The following CACNA1C variants were observed in gnomAD, a reference collection of about 807,000 sequenced individuals.
The protein encoded by CACNA1C is voltage-dependent L-type calcium channel subunit alpha-1C.
CACNA1C carries 30 observed loss-of-function variants against 229.0 expected under a neutral mutation model. That is an observed-to-expected ratio of 0.13 (90% CI 0.10 to 0.18). The LOEUF is 0.18. Among genes scored for constraint, CACNA1C ranks in the 10% least tolerant of loss-of-function variants. The pLI is 1.00. For missense variants in CACNA1C, 1,658 were observed against 2,845.0 expected (o/e 0.58, Z 9.49); for synonymous variants, 1,114 against 1,132.5 (o/e 0.98, Z 0.33).
chr12:1,975,354 C>T (rs1230722557), intron 1 of CACNA1C, among the ~76,000 whole-genome samples: 1 of 138,044 alleles, frequency 7.2e-6, no homozygotes, highest in African/African-American at 2.6e-5. Context: ...GTGGGTTAAG[C>T]AGTAAATTTA....
intron 7 of CACNA1C, among the ~76,000 whole-genome samples, chr12:2,501,976 C>T (rs2099761493): frequency 6.6e-6 from 1 of 152,272 alleles, no homozygotes; most frequent in East Asian, 1.9e-4. Context: ...CCATTGCTAT[C>T]ATAGGACCAC....
Position 2,004,498 on chromosome 12 carries a change from C to T in CACNA1C, c.139+33297C>T, listed in dbSNP as rs972838992. 5 of 1,522,174 alleles carry T rather than the reference C, an allele frequency of 3.3e-6. No individual in the cohort carries two copies. The African/African-American group carries it at 4.1e-5, about 13-fold the overall frequency. The allele number at this position is 1,522,174 out of a possible 1,614,324, so 94.3% of individuals were successfully genotyped here. A position where few individuals can be genotyped will look rare whatever the true frequency, so the allele number is the denominator to read the frequency against. On this transcript the variant is annotated intron_variant, in intron 1 of 46. Coordinates refer to the CACNA1C transcript ENST00000682462. ...CACTCTCAATAGATCGCAGAACGAG[C>T]GAGCTGCCTCGCAACCGAGAACCCA... is the stretch of plus-strand genomic sequence containing the variant.
At position 2,662,143 on chromosome 12, in the gene CACNA1C, A is replaced by G. The variant is rs563026234; in HGVS notation, c.4233-2682A>G. Among the ~76,000 whole-genome samples the G allele has an allele frequency of 2.7e-4, 41 of 152,038 alleles. No individual in the cohort carries two copies. In the Middle Eastern group the frequency reaches 0.01, roughly 38 times the overall value. ...TGTAGTCCCAGCTACTCAGGAGGCT[A>G]AGGTGGGAGAATCTCTTGAACCCAG... On this transcript the variant is annotated intron_variant, in intron 34 of 46. Transcript: ENST00000399655.
At chr12:2,109,090 C>T (rs920066819) in intron 1 of CACNA1C, among the ~76,000 whole-genome samples, 6 of 152,204 alleles carry the variant, frequency 3.9e-5, no homozygotes, top group Non-Finnish European at 7.3e-5. Context: ...CTCTCTAAAT[C>T]GATGTGGGTG....
At chr12:2,636,042 A>G (rs2092605885) in intron 30 of CACNA1C, among the ~76,000 whole-genome samples, 1 of 152,210 alleles carries the variant, frequency 6.6e-6, no homozygotes, top group African/African-American at 2.4e-5. Context: ...TCATACACAT[A>G]AAGGCCAGAG....
chr12:2,587,675 C>A (rs952037915), intron 18 of CACNA1C, among the ~76,000 whole-genome samples: 1 of 152,186 alleles, frequency 6.6e-6, no homozygotes, highest in African/African-American at 2.4e-5. Flanking sequence ...CGTAGCTACC[C>A]AGTGGCTCTG....
chr12:2,307,060 G>A (rs188872773), intron 3 of CACNA1C, among the ~76,000 whole-genome samples: 48 of 152,236 alleles, frequency 3.2e-4, no homozygotes, highest in Middle Eastern at 6.8e-3. Context: ...AAGCCATGAG[G>A]CACCCCTGCC....
intron 1 of CACNA1C, among the ~76,000 whole-genome samples, chr12:2,092,695 A>T (rs1041580229): frequency 6.6e-6 from 1 of 152,160 alleles, no homozygotes; most frequent in African/African-American, 2.4e-5. Context: ...TGAAATAGTT[A>T]ACCTTTAGTA....
At chr12:2,675,407 A>G (rs929840302) in intron 39 of CACNA1C, among the ~76,000 whole-genome samples, 3 of 152,176 alleles carry the variant, frequency 2.0e-5, no homozygotes, top group Non-Finnish European at 4.4e-5. Flanking sequence ...TTGATTTGCC[A>G]TTTTGAAATA....
At position 2,118,461 on chromosome 12, in the gene CACNA1C, A is replaced by G. The variant is rs116643594; in HGVS notation, c.372-1864A>G. The stretch of plus-strand genomic sequence containing the variant: ...AGGCTTCAAGGTAACTTTAGAGTGG[A>G]TCAGTATAGAATAGTCCTTAACACT... On this transcript the variant is annotated intron_variant, in intron 2 of 46. Transcript: ENST00000399655. Among the ~76,000 whole-genome samples the G allele has an allele frequency of 7.6e-3, 1,151 of 152,360 alleles. 10 individuals are homozygous for G. Among genetic ancestry groups the G allele is most frequent in the African/African-American group, 0.026 (1,093 of 41,588 alleles).
chr12:2,360,918 C>T (rs941427564), intron 3 of CACNA1C, among the ~76,000 whole-genome samples: 1 of 152,104 alleles, frequency 6.6e-6, no homozygotes, highest in Admixed American at 6.5e-5. Flanking sequence ...CTCCAGCTAG[C>T]TCAGCTTGTG....
rs201920351 is a variant in CACNA1C, at chr12:2,601,982, C to T, written c.2960+22C>T. On this transcript the variant is annotated intron_variant, in intron 22 of 46. Transcript: ENST00000399655. The surrounding 1 kb of genome is among the most constrained non-coding windows in gnomAD (Gnocchi z 5.9). The stretch of plus-strand genomic sequence containing the variant: ...TCCAGTGAGTGGGAGCCCCTCAGCC[C>T]ACGATGGGCCATGCAGCTAGCAAGG... The T allele has an allele frequency of 5.5e-6, 8 of 1,463,408 alleles. No homozygotes were observed. The highest frequency in any genetic ancestry group is 6.7e-6 in the Non-Finnish European group (7 of 1,042,490). 90.7% of individuals were successfully genotyped at this position (1,463,408 alleles called of 1,614,324 possible).
intron 4 of CACNA1C, among the ~76,000 whole-genome samples, chr12:2,449,656 A>T (rs1288926197): frequency 6.6e-6 from 1 of 152,214 alleles, no homozygotes; most frequent in Non-Finnish European, 1.5e-5. Flanking sequence ...ACCCCTCTCC[A>T]CCACTCCCAC....
rs59324696 is a variant in CACNA1C at position 2,501,209 on chromosome 12, C to CAAAAAAAAAAAAA, written c.1114-3620_1114-3608dup. 1.8e-3 allele frequency among the ~76,000 whole-genome samples: 56 copies of CAAAAAAAAAAAAA among 31,364 alleles called. 4 individuals are homozygous for CAAAAAAAAAAAAA. The highest frequency in any genetic ancestry group is 5.6e-3 in the African/African-American group (33 of 5,882). 20.6% of individuals were successfully genotyped at this position (31,364 alleles called of 152,430 possible). A position where few individuals can be genotyped will look rare whatever the true frequency, so the allele number is the denominator to read the frequency against. Reference sequence around the variant, plus strand: ...TGGGCGACAGAGTGAGACTCCACCTCAAAAAAAAAAAAAAAAAAAAAAAAA... The same window carrying CAAAAAAAAAAAAA: ...TGGGCGACAGAGTGAGACTCCACCTCAAAAAAAAAAAAAAAAAAAAAAAAAAAAAAAAAAAAAA... On this transcript the variant is annotated intron_variant, in intron 7 of 46. Transcript: ENST00000399655.
intron 1 of CACNA1C, among the ~76,000 whole-genome samples, chr12:1,986,750 A>T (rs1447242927): frequency 6.6e-6 from 1 of 152,030 alleles, no homozygotes; most frequent in East Asian, 1.9e-4. Context: ...AAAGCCAGGA[A>T]CTCACCACCA....
At chr12:2,603,071 A>T (rs2073551238) in intron 22 of CACNA1C, among the ~76,000 whole-genome samples, 1 of 152,084 alleles carries the variant, frequency 6.6e-6, no homozygotes, top group Non-Finnish European at 1.5e-5. Flanking sequence ...AGGGACCAGG[A>T]CCTTGGGAGA....
At chr12:2,258,993 T>G (rs1415824335) in intron 3 of CACNA1C, among the ~76,000 whole-genome samples, 1 of 152,240 alleles carries the variant, frequency 6.6e-6, no homozygotes, top group African/African-American at 2.4e-5. Context: ...GAGATGGAAT[T>G]ACACTAGTGA....
chr12:2,227,242 G>C (rs1021640166), intron 3 of CACNA1C, among the ~76,000 whole-genome samples: 4 of 152,214 alleles, frequency 2.6e-5, no homozygotes, highest in Non-Finnish European at 5.9e-5. Context: ...GCACTTCAGT[G>C]TCAATTTTCC....
chr12:2,438,308 G>GTGGTGT (rs2099170392), intron 3 of CACNA1C, among the ~76,000 whole-genome samples: 1 of 150,318 alleles, frequency 6.7e-6, no homozygotes. Flanking sequence ...GGTGGTGGTG[G>GTGGTGT]TGGTTGTGGT....
Sources: allele counts gnomAD v4.1 joint callset (sites outside exome capture counted in the v4.1 genomes callset), GRCh38; gene constraint gnomAD v4.1.1; non-coding constraint Gnocchi (gnomAD v3.1); transcripts MANE v1.5; gene names NCBI Gene and HGNC (gene_info 2026-07-23, HGNC 2026-07-21).